Variants in DAB1 observed in about 807,000 individuals in gnomAD.
DAB1 encodes disabled homolog 1.
Under a neutral mutation model 64.6 loss-of-function variants are expected in DAB1, and 15 were observed. The ratio of observed to expected loss-of-function variants is 0.23; its 90% CI spans 0.16 to 0.36. The LOEUF (loss-of-function observed/expected upper bound fraction) is 0.36. DAB1 is among the 10% of genes least tolerant of loss of function. The probability of loss-of-function intolerance (pLI) is 1.00; values close to 1 mark genes in which losing one functional copy is unlikely to be tolerated. For missense variants in DAB1, 596 were observed against 706.7 expected (o/e 0.84, Z 1.78); for synonymous variants, 235 against 251.9 (o/e 0.93, Z 0.64).
intron 7 of DAB1, among the ~76,000 whole-genome samples, chr1:57,548,196 T>A (rs1249631263): frequency 1.3e-5 from 2 of 152,172 alleles, no homozygotes; most frequent in African/African-American, 4.8e-5. Flanking sequence ...TATTCTAGGT[T>A]CTGTGCCAAA....
intron 9 of DAB1, among the ~76,000 whole-genome samples, chr1:57,031,562 G>T (rs968187963): frequency 1.3e-5 from 2 of 152,208 alleles, no homozygotes; most frequent in African/African-American, 4.8e-5. Flanking sequence ...ACTAGCTGAG[G>T]CTGAGGTTAA....
At chr1:57,715,040 G>T (rs1406013263) in intron 6 of DAB1, among the ~76,000 whole-genome samples, 1 of 152,098 alleles carries the variant, frequency 6.6e-6, no homozygotes, top group Non-Finnish European at 1.5e-5. Flanking sequence ...CAAAATACTA[G>T]CAAACCAAAT....
chr1:57,792,630 T>C (rs1272535325), intron 6 of DAB1, among the ~76,000 whole-genome samples: 1 of 152,344 alleles, frequency 6.6e-6, no homozygotes, highest in East Asian at 1.9e-4. Context: ...TTCTTAGAAA[T>C]CCTGGGCTTA....
intron 7 of DAB1, among the ~76,000 whole-genome samples, chr1:57,586,748 C>T (rs1168544745): frequency 1.3e-5 from 2 of 151,440 alleles, no homozygotes; most frequent in Non-Finnish European, 2.9e-5. Flanking sequence ...TGTTCCTGTT[C>T]CTCTCTTCCC....
At chr1:58,458,602 G>A (rs1012080887) in intron 3 of DAB1, among the ~76,000 whole-genome samples, 9 of 152,188 alleles carry the variant, frequency 5.9e-5, no homozygotes, top group Non-Finnish European at 1.2e-4. Flanking sequence ...TTAGGAGTTC[G>A]AGACCAGCCT....
At chr1:57,152,447 T>C (rs1659781435) in intron 2 of DAB1, among the ~76,000 whole-genome samples, 1 of 152,232 alleles carries the variant, frequency 6.6e-6, no homozygotes, top group African/African-American at 2.4e-5. Context: ...CTGATTTGAA[T>C]TCCAAAGGAG....
At chr1:58,508,176 C>T (rs1646019093) in intron 2 of DAB1, among the ~76,000 whole-genome samples, 1 of 152,068 alleles carries the variant, frequency 6.6e-6, no homozygotes, top group African/African-American at 2.4e-5. Context: ...TAAAAGGGGA[C>T]TTGAGATATC....
chr1:57,209,090 G>T (rs1019995625), intron 2 of DAB1, among the ~76,000 whole-genome samples: 1 of 152,204 alleles, frequency 6.6e-6, no homozygotes, highest in African/African-American at 2.4e-5. Context: ...ACAGGGCCTG[G>T]CTTAGTAAAT....
At chr1:58,500,098 T>C (rs1001213597) in intron 3 of DAB1, among the ~76,000 whole-genome samples, 2 of 152,170 alleles carry the variant, frequency 1.3e-5, no homozygotes, top group African/African-American at 2.4e-5. Flanking sequence ...TTCTAAAATA[T>C]CATTACTTTC....
intron 4 of DAB1, among the ~76,000 whole-genome samples, chr1:58,157,952 G>C (rs1655306631): frequency 6.6e-6 from 1 of 152,166 alleles, no homozygotes; most frequent in African/African-American, 2.4e-5. Context: ...AATGCACTGG[G>C]TAGGAATCAA....
At chr1:58,523,499 G>A (rs1417802527) in intron 2 of DAB1, among the ~76,000 whole-genome samples, 1 of 152,194 alleles carries the variant, frequency 6.6e-6, no homozygotes, top group East Asian at 1.9e-4. Context: ...TCTGATCTGA[G>A]ACTCAACTAG....
intron 2 of DAB1, among the ~76,000 whole-genome samples, chr1:57,283,917 T>C (rs977321111): frequency 2.3e-4 from 35 of 152,204 alleles, no homozygotes; most frequent in African/African-American, 8.4e-4. Context: ...CCACCAAACA[T>C]TAACTTCTTA....
intron 3 of DAB1, among the ~76,000 whole-genome samples, chr1:58,389,327 A>C (rs1644458637): frequency 6.6e-6 from 1 of 152,068 alleles, no homozygotes; most frequent in African/African-American, 2.4e-5. Context: ...AGCCCCAACT[A>C]CTCAGGAGAC....
Position 57,080,804 on chromosome 1 carries a change from A to G in DAB1, c.307-8390T>C, listed in dbSNP as rs7536024. On this transcript the variant is annotated intron_variant, in intron 4 of 14. Transcript: ENST00000371236. ...AAATAAGGAAAATTGCTTCAGTGTT[A>G]GTTTCCTAACACTGGGGTTCAACTA... Among the ~76,000 whole-genome samples the G allele has an allele frequency of 7.5e-3, 1,148 of 152,220 alleles. 20 individuals are homozygous for G. Among genetic ancestry groups the G allele is most frequent in the African/African-American group, 0.026 (1,075 of 41,528 alleles).
chr1:58,051,803 G>T (rs975064704), intron 5 of DAB1, among the ~76,000 whole-genome samples: 2 of 152,194 alleles, frequency 1.3e-5, no homozygotes, highest in Non-Finnish European at 2.9e-5. Flanking sequence ...GACCAGTGAC[G>T]ATGAGCATTA....
At chr1:57,054,468 T>G (rs1341582502) in intron 9 of DAB1, among the ~76,000 whole-genome samples, 7 of 142,932 alleles carry the variant, frequency 4.9e-5, no homozygotes, top group Admixed American at 4.4e-4. Flanking sequence ...CTCAGGAATG[T>G]GCTTTTTTTT....
At chr1:58,320,261 A>C (rs997192914) in intron 4 of DAB1, among the ~76,000 whole-genome samples, 2 of 152,238 alleles carry the variant, frequency 1.3e-5, no homozygotes, top group African/African-American at 4.8e-5. Context: ...ACACAAATTG[A>C]ATACTGAAAG....
intron 7 of DAB1, among the ~76,000 whole-genome samples, chr1:57,646,838 G>A (rs955081931): frequency 6.6e-6 from 1 of 152,158 alleles, no homozygotes; most frequent in Non-Finnish European, 1.5e-5. Flanking sequence ...ACCAACTGTG[G>A]CTCAGTGCTG....
intron 5 of DAB1, among the ~76,000 whole-genome samples, chr1:57,962,815 G>A (rs1041379462): frequency 6.6e-5 from 10 of 151,632 alleles, no homozygotes; most frequent in African/African-American, 2.4e-4. Flanking sequence ...TAAGGCTGCA[G>A]TGAGCTGCAA....
Sources: allele counts gnomAD v4.1 joint callset (sites outside exome capture counted in the v4.1 genomes callset), GRCh38; gene constraint gnomAD v4.1.1; transcripts MANE v1.5; gene names NCBI Gene and HGNC (gene_info 2026-07-23, HGNC 2026-07-21).